Variants in TRPC4 observed in about 807,000 individuals in gnomAD.
TRPC4 encodes short transient receptor potential channel 4.
A neutral mutation model predicts 99.4 loss-of-function variants in TRPC4; 49 were observed. The observed-to-expected ratio is 0.49, with a 90% CI of 0.39 to 0.63. TRPC4 has a LOEUF of 0.63. TRPC4 is among the 20% of genes least tolerant of loss of function. The pLI is 0.00. For synonymous variants in TRPC4, 454 were observed against 425.9 expected (o/e 1.07, Z -0.81); for missense variants, 898 against 1,152.9 (o/e 0.78, Z 3.20).
chr13:37,716,706 A>G (rs1355759865), intron 3 of TRPC4, among the ~76,000 whole-genome samples: 1 of 152,132 alleles, frequency 6.6e-6, no homozygotes, highest in African/African-American at 2.4e-5. Context: ...TTTCAGATAA[A>G]CAGATCTTAA....
intron 1 of TRPC4, among the ~76,000 whole-genome samples, chr13:37,808,187 G>A (rs1957580184): frequency 6.6e-6 from 1 of 151,904 alleles, no homozygotes; most frequent in Admixed American, 6.6e-5. Flanking sequence ...ATGTTCAAAT[G>A]GTTCACTGAA....
intron 4 of TRPC4, among the ~76,000 whole-genome samples, chr13:37,677,204 T>C (rs1018152943): frequency 2.0e-5 from 3 of 152,014 alleles, no homozygotes; most frequent in African/African-American, 7.2e-5. Context: ...CTTTTAAATA[T>C]TTTAAAATAT....
intron 1 of TRPC4, among the ~76,000 whole-genome samples, chr13:37,864,743 T>C (rs891584453): frequency 6.6e-6 from 1 of 151,558 alleles, no homozygotes; most frequent in Non-Finnish European, 1.5e-5. Context: ...TTGGGACATC[T>C]GGAGAAATGA....
intron 1 of TRPC4, among the ~76,000 whole-genome samples, chr13:37,799,817 A>G (rs894121398): frequency 6.6e-6 from 1 of 152,212 alleles, no homozygotes; most frequent in Admixed American, 6.5e-5. Flanking sequence ...TACAATACTA[A>G]ATGTTTACCA....
chr13:37,745,226 G>T (rs931784530), intron 3 of TRPC4, among the ~76,000 whole-genome samples: 1 of 151,446 alleles, frequency 6.6e-6, no homozygotes, highest in Non-Finnish European at 1.5e-5. Flanking sequence ...TGGGGGATTG[G>T]TTCCAGGACC....
At chr13:37,818,267 G>C (rs544180344) in intron 1 of TRPC4, among the ~76,000 whole-genome samples, 1 of 152,202 alleles carries the variant, frequency 6.6e-6, no homozygotes, top group East Asian at 1.9e-4. Context: ...TCTCACACCA[G>C]TTAGAATGGC....
chr13:37,655,804 T>C (rs1952209557), intron 6 of TRPC4, among the ~76,000 whole-genome samples: 1 of 152,106 alleles, frequency 6.6e-6, no homozygotes, highest in African/African-American at 2.4e-5. Context: ...CCTAAAATAT[T>C]TACTATCTGC....
At position 37,639,093 on chromosome 13, in the gene TRPC4, C is replaced by A. The variant is rs368170601; in HGVS notation, c.2158G>T (p.Ala720Ser). The A allele has an allele frequency of 6.2e-7, 1 of 1,613,678 alleles. No individual in the cohort carries two copies. The highest frequency in any genetic ancestry group is 1.7e-5 in the Admixed American group (1 of 60,002). Residue 720 changes from alanine to serine, a missense_variant, in exon 10 of 11, where the codon GCA (alanine) becomes TCA (serine). Transcript: ENST00000379705. ...MRNLVKRYVAAMIRDAKTEEG... is the reference protein window; with the variant it reads ...MRNLVKRYVASMIRDAKTEEG... Reference sequence around the variant, plus strand: ...TCAGTTTTAGCATCTCTAATCATTGCAGCAACGTATCGCTTCACCAGGTTC... The same window carrying A: ...TCAGTTTTAGCATCTCTAATCATTGAAGCAACGTATCGCTTCACCAGGTTC...
chr13:37,818,574 G>A (rs963722737), intron 1 of TRPC4, among the ~76,000 whole-genome samples: 1 of 152,128 alleles, frequency 6.6e-6, no homozygotes, highest in African/African-American at 2.4e-5. Flanking sequence ...ATGATAGACT[G>A]GATAAAGAAA....
intron 7 of TRPC4, among the ~76,000 whole-genome samples, chr13:37,654,095 C>T (rs1456496919): frequency 6.6e-6 from 1 of 152,052 alleles, no homozygotes; most frequent in African/African-American, 2.4e-5. Flanking sequence ...CATCTATTCT[C>T]ATGTTCTATG....
At chr13:37,683,525 A>G (rs1052844438) in intron 4 of TRPC4, among the ~76,000 whole-genome samples, 3 of 152,054 alleles carry the variant, frequency 2.0e-5, no homozygotes, top group Admixed American at 6.6e-5. Flanking sequence ...GAAGAGTTGA[A>G]TCTCTGACTC....
chr13:37,719,855 A>C (rs2139027971), intron 3 of TRPC4, among the ~76,000 whole-genome samples: 1 of 147,660 alleles, frequency 6.8e-6, no homozygotes, highest in Admixed American at 6.6e-5. Flanking sequence ...GATGGAATTA[A>C]GGTTGCTAAT....
At chr13:37,796,968 A>AAAGTAAAGTAAAGTAAAGTAAAGTAAAG (rs1957268174) in intron 1 of TRPC4, among the ~76,000 whole-genome samples, 3 of 115,114 alleles carry the variant, frequency 2.6e-5, no homozygotes, top group Non-Finnish European at 5.1e-5. Context: ...ATAAAATAAA[A>AAAGTAAAGTAAAGTAAAGTAAAGTAAAG]TAAAGTAAAG....
In TRPC4 at chr13:37,634,111, A is replaced by T. The variant is rs1201847094; in HGVS notation, c.*2792T>A. On this transcript the variant is annotated 3_prime_UTR_variant, in exon 11 of 11. Coordinates refer to ENST00000379705, the MANE Select transcript of TRPC4 (RefSeq NM_016179.4). ...TTTTTTAAGATTAAGAGAGTACGAA[A>T]AATGAGAAACATTATTTATGTAAAT... Among the ~76,000 whole-genome samples the T allele has an allele frequency of 6.6e-6, 1 of 152,140 alleles. No individual in the cohort carries two copies. The highest frequency in any genetic ancestry group is 1.5e-5 in the Non-Finnish European group (1 of 68,000).
intron 1 of TRPC4, among the ~76,000 whole-genome samples, chr13:37,850,809 T>G (rs888142658): frequency 6.6e-6 from 1 of 152,082 alleles, no homozygotes; most frequent in Non-Finnish European, 1.5e-5. Flanking sequence ...ACATCCCAGA[T>G]AGAGGGAAAC....
In TRPC4 at chr13:37,639,744, C is replaced by CATATATATATATATATAT. The variant is rs59528300; in HGVS notation, c.2080-446_2080-445insATATATATATATATATAT. On this transcript the variant is annotated intron_variant, in intron 8 of 10. Coordinates refer to ENST00000379705, the MANE Select transcript of TRPC4 (RefSeq NM_016179.4). ...CTCATTAGTCACTGAACTCTCCAAT[C>CATATATATATATATATAT]ATATATATATATATATAATATCAAT... 2.1e-3 allele frequency among the ~76,000 whole-genome samples: 307 copies of CATATATATATATATATAT among 146,798 alleles called. 2 individuals are homozygous for CATATATATATATATATAT. Among genetic ancestry groups the CATATATATATATATATAT allele is most frequent in the African/African-American group, 7.4e-3 (291 of 39,418 alleles).
intron 3 of TRPC4, among the ~76,000 whole-genome samples, chr13:37,730,658 T>C (rs1955213393): frequency 6.6e-6 from 1 of 152,008 alleles, no homozygotes; most frequent in African/African-American, 2.4e-5. Context: ...TTGATCTCTC[T>C]GAAGCTTAAG....
At chr13:37,827,043 C>T (rs888078028) in intron 1 of TRPC4, among the ~76,000 whole-genome samples, 14 of 152,030 alleles carry the variant, frequency 9.2e-5, no homozygotes, top group Non-Finnish European at 1.3e-4. Flanking sequence ...TTGCTGATAC[C>T]CTTTCTTCCA....
chr13:37,696,986 T>C (rs1395999771), intron 3 of TRPC4, among the ~76,000 whole-genome samples: 1 of 151,584 alleles, frequency 6.6e-6, no homozygotes, highest in Non-Finnish European at 1.5e-5. Flanking sequence ...GGCTTTTAAA[T>C]GTCTCTGTCT....
Sources: gnomAD v4.1 joint callset for allele counts (sites outside exome capture counted in the v4.1 genomes callset) on GRCh38, gnomAD v4.1.1 for gene constraint, MANE v1.5 for transcripts, NCBI Gene and HGNC (gene_info 2026-07-23, HGNC 2026-07-21) for gene names.